GID4: variants seen among roughly 807,000 people sequenced by gnomAD.
GID4 encodes GID complex subunit 4 homolog.
A neutral mutation model predicts 32.4 loss-of-function variants in GID4; 7 were observed. That is an observed-to-expected ratio of 0.22 (90% CI 0.12 to 0.41). GID4 has a LOEUF of 0.41. GID4 is among the 10% of genes least tolerant of loss of function. The probability of loss-of-function intolerance (pLI) is 1.00; values close to 1 mark genes in which losing one functional copy is unlikely to be tolerated. For synonymous variants in GID4, 166 were observed against 170.0 expected (o/e 0.98, Z 0.18); for missense variants, 309 against 400.0 (o/e 0.77, Z 1.94).
At chr17:18,051,846 G>A (rs891518158) in intron 2 of GID4, among the ~76,000 whole-genome samples, 51 of 151,858 alleles carry the variant, frequency 3.4e-4, no homozygotes, top group African/African-American at 1.1e-3. Context: ...AGGCCGAGGC[G>A]GGTGGATCAT....
intron 2 of GID4, among the ~76,000 whole-genome samples, chr17:18,049,335 C>CAAA (rs756823895): frequency 2.6e-5 from 1 of 37,920 alleles, no homozygotes; most frequent in Non-Finnish European, 5.8e-5. Context: ...GACTTCGTGT[C>CAAA]AAAAAAAAAA....
In GID4 at chr17:18,067,419, T is replaced by C. The variant is rs1267684324; in HGVS notation, c.*2176T>C. 6.6e-6 allele frequency: 1 copy of C among 152,240 alleles called. No individual in the cohort carries two copies. The highest frequency in any genetic ancestry group is 1.5e-5 in the Non-Finnish European group (1 of 68,072). 9.4% of individuals were successfully genotyped at this position (152,240 alleles called of 1,614,324 possible). A position where few individuals can be genotyped will look rare whatever the true frequency, so the allele number is the denominator to read the frequency against. On this transcript the variant is annotated 3_prime_UTR_variant, in exon 6 of 6. Transcript: ENST00000268719. Reference sequence around the variant, plus strand: ...ACCCAAGTCCTATGGCAGGATTTCTTCCTTCCTTCCTTTTTTACCCAGGTG... The same window carrying C: ...ACCCAAGTCCTATGGCAGGATTTCTCCCTTCCTTCCTTTTTTACCCAGGTG...
chr17:18,063,829 G>A (rs564816628), intron 5 of GID4, among the ~76,000 whole-genome samples: 7 of 152,020 alleles, frequency 4.6e-5, no homozygotes, highest in South Asian at 2.1e-4. Flanking sequence ...TGCAACCTCC[G>A]CCTCCCAGGT....
At chr17:18,056,603 CA>C in intron 3 of GID4, 3 of 1,222,262 alleles carry the variant, frequency 2.5e-6, no homozygotes, top group Non-Finnish European at 1.1e-6. Flanking sequence ...CTGCAAAAAG[CA>C]AAGTCTTTGA....
rs539055359 is a variant in GID4, at chr17:18,067,393, A to G, written c.*2150A>G. 1 of 152,340 alleles carries G rather than the reference A, an allele frequency of 6.6e-6. No homozygotes were observed. Among genetic ancestry groups the G allele is most frequent in the Non-Finnish European group, 1.5e-5 (1 of 68,028 alleles). 9.4% of individuals were successfully genotyped at this position (152,340 alleles called of 1,614,324 possible). ...AAACACTGCTGTGTTCTAGACAAAC[A>G]ACCCAAGTCCTATGGCAGGATTTCT... is the stretch of plus-strand genomic sequence containing the variant. On this transcript the variant is annotated 3_prime_UTR_variant, in exon 6 of 6. Coordinates refer to ENST00000268719, the MANE Select transcript of GID4 (RefSeq NM_024052.5).
At position 18,067,668 on chromosome 17, in the gene GID4, T is replaced by TA. The variant is rs754738141; in HGVS notation, c.*2426dup. 1.3e-5 allele frequency: 2 copies of TA among 152,678 alleles called. No homozygotes were observed. Among genetic ancestry groups the TA allele is most frequent in the Non-Finnish European group, 2.9e-5 (2 of 68,036 alleles). The allele number at this position is 152,678 out of a possible 1,614,324, so 9.5% of individuals were successfully genotyped here. On this transcript the variant is annotated 3_prime_UTR_variant, in exon 6 of 6. Coordinates refer to ENST00000268719, the MANE Select transcript of GID4 (RefSeq NM_024052.5). ...TTGGGGAATCATCTTCATCCGTAGTTACGCTTTCCTGAACCTTCTCAGTGG... is the reference window on the plus strand; with the variant it reads ...TTGGGGAATCATCTTCATCCGTAGTTAACGCTTTCCTGAACCTTCTCAGTGG...
In GID4 at chr17:18,068,061, CTT is replaced by C. The variant is rs1209237571; in HGVS notation, c.*2821_*2822del. The C allele has an allele frequency of 3.9e-5, 6 of 152,688 alleles. No individual in the cohort carries two copies. Among genetic ancestry groups the C allele is most frequent in the East Asian group, 1.9e-4 (1 of 5,188 alleles). 9.5% of individuals were successfully genotyped at this position (152,688 alleles called of 1,614,324 possible). ...GAGGAGCAAAGGGGTTTTTCAATGT[CTT>C]TTGCTTTCAGAAACAGAGAATATAA... On this transcript the variant is annotated 3_prime_UTR_variant, in exon 6 of 6. Coordinates refer to ENST00000268719, the MANE Select transcript of GID4 (RefSeq NM_024052.5).
intron 1 of GID4, among the ~76,000 whole-genome samples, chr17:18,041,218 G>A (rs1247204473): frequency 6.7e-6 from 1 of 148,408 alleles, no homozygotes; most frequent in Non-Finnish European, 1.5e-5. Flanking sequence ...CCCACCCCCC[G>A]GGGTGTGAGG....
rs140638139 is a variant in GID4, at chr17:18,045,452, T to C, written c.498+246T>C. Among the ~76,000 whole-genome samples the C allele has an allele frequency of 2.8e-4, 42 of 152,342 alleles. No homozygotes were observed. The East Asian group carries it at 7.7e-3, about 28-fold the overall frequency. ...ATCATAATTGTCACAACCAACACTATTGATTTTATTTTTAATCCTTTTTGG... is the reference window on the plus strand; with the variant it reads ...ATCATAATTGTCACAACCAACACTACTGATTTTATTTTTAATCCTTTTTGG... On this transcript the variant is annotated intron_variant, in intron 2 of 5. Transcript: ENST00000268719.
intron 2 of GID4, among the ~76,000 whole-genome samples, chr17:18,051,106 T>C (rs964714463): frequency 6.6e-6 from 1 of 152,204 alleles, no homozygotes; most frequent in African/African-American, 2.4e-5. Flanking sequence ...TGCAGAATTA[T>C]TCATTAAGAA....
intron 2 of GID4, among the ~76,000 whole-genome samples, chr17:18,051,729 T>C (rs907922288): frequency 3.3e-5 from 5 of 152,018 alleles, no homozygotes; most frequent in Middle Eastern, 3.4e-3. Context: ...TGCTGATTTA[T>C]TGAGAACTTT....
intron 3 of GID4, among the ~76,000 whole-genome samples, chr17:18,058,331 A>G (rs904813317): frequency 3.3e-5 from 5 of 152,194 alleles, no homozygotes; most frequent in Non-Finnish European, 4.4e-5. Flanking sequence ...TTTGGTATTC[A>G]TGGGGGTCCT....
intron 5 of GID4, among the ~76,000 whole-genome samples, chr17:18,062,568 A>G (rs1450283055): frequency 6.6e-6 from 1 of 152,160 alleles, no homozygotes; most frequent in African/African-American, 2.4e-5. Context: ...AGGGCAAACC[A>G]TGTGATAAAA....
Position 18,058,848 on chromosome 17 carries a change from A to G in GID4, c.607-20A>G, listed in dbSNP as rs374004622. On this transcript the variant is annotated intron_variant, in intron 3 of 5. Coordinates refer to ENST00000268719, the MANE Select transcript of GID4 (RefSeq NM_024052.5). ...TCTCCTTCTCTCAGTCAATCGGCAC[A>G]CTCTCTTTTCTGCTTTCAGGGCAAG... 5 of 1,468,744 alleles carry G rather than the reference A, an allele frequency of 3.4e-6. No individual in the cohort carries two copies. The African/African-American group carries it at 6.9e-5, about 20-fold the overall frequency. 91.0% of individuals were successfully genotyped at this position (1,468,744 alleles called of 1,614,324 possible).
At chr17:18,053,847 A>G (rs2044938658) in intron 2 of GID4, among the ~76,000 whole-genome samples, 1 of 152,192 alleles carries the variant, frequency 6.6e-6, no homozygotes, top group Non-Finnish European at 1.5e-5. Flanking sequence ...GGAAACATCC[A>G]AATTATTTTC....
intron 2 of GID4, among the ~76,000 whole-genome samples, chr17:18,049,335 CAAA>C (rs756823895): frequency 1.6e-4 from 6 of 37,898 alleles, no homozygotes; most frequent in Non-Finnish European, 5.8e-5. Context: ...GACTTCGTGT[CAAA>C]AAAAAAAAAA....
At chr17:18,041,979 C>T (rs2044807954) in intron 1 of GID4, among the ~76,000 whole-genome samples, 1 of 152,152 alleles carries the variant, frequency 6.6e-6, no homozygotes, top group Non-Finnish European at 1.5e-5. Context: ...ATGAATGCTG[C>T]CCTACATCTG....
At chr17:18,053,009 CTTTTTTTT>C (rs71155312) in intron 2 of GID4, among the ~76,000 whole-genome samples, 3 of 83,274 alleles carry the variant, frequency 3.6e-5, no homozygotes, top group Admixed American at 1.8e-4. Context: ...AAAGTATTTA[CTTTTTTTT>C]TTTTTTTTTT....
At chr17:18,056,008 C>T (rs889094905) in intron 3 of GID4, among the ~76,000 whole-genome samples, 6 of 152,102 alleles carry the variant, frequency 3.9e-5, no homozygotes, top group African/African-American at 1.2e-4. Flanking sequence ...ACGTGCACCA[C>T]CGTGCCTGGC....
Sources: allele counts gnomAD v4.1 joint callset (sites outside exome capture counted in the v4.1 genomes callset), GRCh38; gene constraint gnomAD v4.1.1; transcripts MANE v1.5; gene names NCBI Gene and HGNC (gene_info 2026-07-23, HGNC 2026-07-21).